The following PTPRM variants were observed in gnomAD, a reference collection of about 807,000 sequenced individuals.
PTPRM encodes receptor-type tyrosine-protein phosphatase mu.
PTPRM carries 47 observed loss-of-function variants against 186.7 expected under a neutral mutation model. The observed-to-expected ratio is 0.25, with a 90% CI of 0.20 to 0.32. PTPRM has a LOEUF of 0.32. Among genes scored for constraint, PTPRM ranks in the 10% least tolerant of loss-of-function variants. The probability of loss-of-function intolerance (pLI) is 1.00; values close to 1 mark genes in which losing one functional copy is unlikely to be tolerated. For missense variants in PTPRM, 1,494 were observed against 1,865.0 expected, an observed-to-expected ratio of 0.80 and a Z score of 3.66; for synonymous variants, 668 against 674.9, an observed-to-expected ratio of 0.99 and a Z score of 0.16.
intron 14 of PTPRM, among the ~76,000 whole-genome samples, chr18:8,229,286 T>C (rs1274586364): frequency 6.6e-6 from 1 of 152,100 alleles, no homozygotes; most frequent in African/African-American, 2.4e-5. Context: ...CCCAGGAGCA[T>C]AGTAAAATAC....
At chr18:8,136,396 A>G (rs2146009746) in intron 13 of PTPRM, among the ~76,000 whole-genome samples, 1 of 152,354 alleles carries the variant, frequency 6.6e-6, no homozygotes, top group Non-Finnish European at 1.5e-5. Flanking sequence ...TAAGGCTTTG[A>G]TAGATCATCT....
chr18:7,590,429 G>T (rs893684446), intron 1 of PTPRM, among the ~76,000 whole-genome samples: 16 of 152,098 alleles, frequency 1.1e-4, no homozygotes, highest in African/African-American at 3.9e-4. Context: ...TGGAAAGATG[G>T]TCACTTGGAT....
chr18:7,765,438 CAA>C (rs1246654163), intron 1 of PTPRM, among the ~76,000 whole-genome samples: 1 of 152,096 alleles, frequency 6.6e-6, no homozygotes, highest in South Asian at 2.1e-4. Context: ...CTGGGGCACT[CAA>C]AGTTTAGGAG....
At chr18:7,928,808 C>T (rs16952665) in intron 5 of PTPRM, among the ~76,000 whole-genome samples, 4,304 of 152,174 alleles carry the variant, frequency 0.028, 208 homozygotes, top group African/African-American at 0.099. Flanking sequence ...TTTTTGCAAA[C>T]GTCCTGGACT....
intron 8 of PTPRM, among the ~76,000 whole-genome samples, chr18:8,074,535 GTTTCCGA>G (rs2089685012): frequency 6.6e-6 from 1 of 152,144 alleles, no homozygotes; most frequent in Admixed American, 6.5e-5. Flanking sequence ...AGGGTATGGG[GTTTCCGA>G]TTACTCTTCC....
chr18:7,837,770 G>A (rs1373089301), intron 2 of PTPRM, among the ~76,000 whole-genome samples: 1 of 152,152 alleles, frequency 6.6e-6, no homozygotes, highest in Non-Finnish European at 1.5e-5. Flanking sequence ...TTCTCTGAAA[G>A]GTCACATATT....
At chr18:7,809,253 C>G (rs930186021) in intron 2 of PTPRM, among the ~76,000 whole-genome samples, 6 of 152,080 alleles carry the variant, frequency 3.9e-5, no homozygotes, top group African/African-American at 1.4e-4. Context: ...CAGGGCTTGG[C>G]CGAATTGCTC....
At chr18:8,144,700 T>C (rs1207943254) in intron 14 of PTPRM, among the ~76,000 whole-genome samples, 1 of 152,180 alleles carries the variant, frequency 6.6e-6, no homozygotes, top group Non-Finnish European at 1.5e-5. Flanking sequence ...TCACCTCCCA[T>C]ACTTGAAAAC....
chr18:8,300,756 A>C (rs909645125), intron 20 of PTPRM, among the ~76,000 whole-genome samples: 6 of 151,934 alleles, frequency 3.9e-5, no homozygotes, highest in Non-Finnish European at 8.8e-5. Context: ...GTGTTTCTTT[A>C]CTGGGTTGTG....
At chr18:7,936,320 CAG>C (rs1229568272) in intron 5 of PTPRM, among the ~76,000 whole-genome samples, 3 of 152,230 alleles carry the variant, frequency 2.0e-5, no homozygotes, top group Non-Finnish European at 4.4e-5. Flanking sequence ...TTTGCACTCT[CAG>C]GGACCCAGGA....
intron 21 of PTPRM, among the ~76,000 whole-genome samples, chr18:8,318,939 A>G (rs553091708): frequency 6.6e-6 from 1 of 152,342 alleles, no homozygotes; most frequent in South Asian, 2.1e-4. Context: ...CTCATCCATC[A>G]TCTCATAGCC....
intron 2 of PTPRM, among the ~76,000 whole-genome samples, chr18:7,857,747 C>A (rs2047161920): frequency 6.6e-6 from 1 of 152,120 alleles, no homozygotes; most frequent in African/African-American, 2.4e-5. Flanking sequence ...TTGTTTGTGG[C>A]TGTTTGTACA....
intron 14 of PTPRM, among the ~76,000 whole-genome samples, chr18:8,162,766 AC>A (rs1305461846): frequency 1.9e-4 from 29 of 152,130 alleles, no homozygotes; most frequent in African/African-American, 6.8e-4. Flanking sequence ...TCCTCTCTCC[AC>A]CCCATACACA....
In PTPRM at chr18:8,357,743, A is replaced by G. The variant is rs567751864; in HGVS notation, c.3055-13147A>G. 3.3e-5 allele frequency among the ~76,000 whole-genome samples: 5 copies of G among 152,344 alleles called. No homozygotes were observed. The South Asian group carries it at 1.0e-3, about 32-fold the overall frequency. The stretch of plus-strand genomic sequence containing the variant: ...ATCCGTCAATTCAATTTGGACAGCA[A>G]ATCCATTTAATTAAAGGTAAACTGT... On this transcript the variant is annotated intron_variant, in intron 23 of 32. Coordinates refer to ENST00000580170, the MANE Select transcript of PTPRM (RefSeq NM_001105244.2).
intron 1 of PTPRM, among the ~76,000 whole-genome samples, chr18:7,583,541 A>G (rs1397262407): frequency 2.0e-5 from 3 of 152,252 alleles, no homozygotes; most frequent in Admixed American, 6.5e-5. Context: ...TGTTAAAACA[A>G]TTGTAAGATT....
chr18:7,796,951 C>A (rs1379564262), intron 2 of PTPRM, among the ~76,000 whole-genome samples: 2 of 152,138 alleles, frequency 1.3e-5, no homozygotes, highest in Non-Finnish European at 2.9e-5. Context: ...AACATCATGA[C>A]TTTTCTTATA....
intron 14 of PTPRM, among the ~76,000 whole-genome samples, chr18:8,167,032 G>C (rs949568546): frequency 6.6e-6 from 1 of 152,178 alleles, no homozygotes; most frequent in Non-Finnish European, 1.5e-5. Flanking sequence ...AAGTGTGCAG[G>C]CTCTAAGCTA....
At chr18:8,002,019 T>A (rs991196019) in intron 7 of PTPRM, among the ~76,000 whole-genome samples, 27 of 152,192 alleles carry the variant, frequency 1.8e-4, no homozygotes, top group African/African-American at 6.5e-4. Context: ...TATTGTTAAA[T>A]GTGGAAAACT....
chr18:7,886,258 A>T (rs559172945), intron 2 of PTPRM, among the ~76,000 whole-genome samples: 1 of 152,338 alleles, frequency 6.6e-6, no homozygotes, highest in South Asian at 2.1e-4. Context: ...CCTACTCTGG[A>T]TTTATGATGG....
Sources: allele counts gnomAD v4.1 joint callset (sites outside exome capture counted in the v4.1 genomes callset), GRCh38; gene constraint gnomAD v4.1.1; transcripts MANE v1.5; gene names NCBI Gene and HGNC (gene_info 2026-07-23, HGNC 2026-07-21).